METTL9: variants seen among roughly 807,000 people sequenced by gnomAD.
The protein encoded by METTL9 is methyltransferase 9, His-X-His N1(pi)-histidine.
METTL9 carries 10 observed loss-of-function variants against 36.0 expected under a neutral mutation model. That is an observed-to-expected ratio of 0.28 (90% confidence interval 0.17 to 0.47). The LOEUF (loss-of-function observed/expected upper bound fraction) is 0.47, where lower values mean the gene tolerates loss of function less well. Among genes scored for constraint, METTL9 ranks in the 20% least tolerant of loss-of-function variants. METTL9 has a pLI of 0.99. For synonymous variants in METTL9, 175 were observed against 149.7 expected (o/e 1.17, Z -1.23); for missense variants, 246 against 383.5 (o/e 0.64, Z 3.00).
At chr16:21,600,645 G>C (rs1965098901) in intron 1 of METTL9, among the ~76,000 whole-genome samples, 1 of 152,208 alleles carries the variant, frequency 6.6e-6, no homozygotes, top group Non-Finnish European at 1.5e-5. Context: ...TATGCATCGT[G>C]AGCGTTACGC....
chr16:21,619,587 ATTT>A (rs35728063), intron 3 of METTL9, among the ~76,000 whole-genome samples: 1 of 124,214 alleles, frequency 8.1e-6, no homozygotes. Context: ...TGCCCGGCTA[ATTT>A]TTTTTTTTTT....
rs760550780 is a variant in METTL9 at position 21,655,297 on chromosome 16, T to C, written c.822T>C (p.Asn274=). ...IKGQNWEEQV[N]SLPEVFRKAG... Reference sequence around the variant, plus strand: ...GACAGAACTGGGAAGAACAAGTGAATAGTCTGCCTGAAGTTTTCAGAAAAG... The same window carrying C: ...GACAGAACTGGGAAGAACAAGTGAACAGTCTGCCTGAAGTTTTCAGAAAAG... The change falls in exon 5 of 5, where the codon AAT becomes AAC. Residue 274 remains asparagine, a synonymous_variant. Transcript: ENST00000358154. 23 of 1,614,232 alleles carry C rather than the reference T, an allele frequency of 1.4e-5. No individual in the cohort carries two copies. The South Asian group carries it at 2.4e-4, about 17-fold the overall frequency.
At chr16:21,603,469 A>C (rs1482825566) in intron 1 of METTL9, among the ~76,000 whole-genome samples, 1 of 152,190 alleles carries the variant, frequency 6.6e-6, no homozygotes, top group Non-Finnish European at 1.5e-5. Context: ...CACAGGTTGC[A>C]GGGTGGGTAG....
intron 4 of METTL9, among the ~76,000 whole-genome samples, chr16:21,644,668 C>G (rs1344630279): frequency 6.6e-6 from 1 of 152,176 alleles, no homozygotes; most frequent in East Asian, 1.9e-4. Context: ...CTAAGCATCA[C>G]TTTTTAGATA....
chr16:21,639,660 T>C (rs1966195489), intron 4 of METTL9: 1 of 152,206 alleles, frequency 6.6e-6, no homozygotes, highest in Admixed American at 6.5e-5. Flanking sequence ...TTTTCATGCA[T>C]ATACCGTATA....
intron 1 of METTL9, among the ~76,000 whole-genome samples, chr16:21,606,407 C>T (rs1054519970): frequency 5.3e-5 from 8 of 151,940 alleles, no homozygotes; most frequent in East Asian, 1.9e-4. Flanking sequence ...AATTGGGGAA[C>T]GGCCAAGTGG....
intron 4 of METTL9, among the ~76,000 whole-genome samples, chr16:21,629,732 C>T (rs1965901756): frequency 6.6e-6 from 1 of 152,134 alleles, no homozygotes; most frequent in Non-Finnish European, 1.5e-5. Flanking sequence ...TGGATGGGGA[C>T]CCAGCAGGTT....
chr16:21,636,983 G>C (rs543218347), intron 4 of METTL9, among the ~76,000 whole-genome samples: 1 of 152,258 alleles, frequency 6.6e-6, no homozygotes, highest in East Asian at 1.9e-4. Context: ...TGGTCTCGCT[G>C]ACTTCAGGAG....
At chr16:21,621,084 C>T (rs1965680526) in intron 3 of METTL9, among the ~76,000 whole-genome samples, 1 of 152,040 alleles carries the variant, frequency 6.6e-6, no homozygotes. Flanking sequence ...ATCCTCTCAC[C>T]TCAGCCTCCT....
At chr16:21,609,268 A>T (rs536452689) in intron 1 of METTL9, among the ~76,000 whole-genome samples, 12 of 152,244 alleles carry the variant, frequency 7.9e-5, no homozygotes, top group Middle Eastern at 6.8e-3. Context: ...ATTTTGTTAG[A>T]AACTCCAAAT....
chr16:21,625,627 T>C (rs1878906617), intron 4 of METTL9, among the ~76,000 whole-genome samples: 1 of 152,192 alleles, frequency 6.6e-6, no homozygotes, highest in South Asian at 2.1e-4. Context: ...ACATTTGATT[T>C]TTTGATTGCA....
chr16:21,628,344 C>T (rs1351324782), intron 4 of METTL9, among the ~76,000 whole-genome samples: 1 of 152,114 alleles, frequency 6.6e-6, no homozygotes, highest in Non-Finnish European at 1.5e-5. Context: ...CTGCAAATAG[C>T]CATTTTCTTC....
chr16:21,631,755 C>G (rs541171060), intron 4 of METTL9, among the ~76,000 whole-genome samples: 8 of 152,140 alleles, frequency 5.3e-5, no homozygotes, highest in South Asian at 2.1e-4. Flanking sequence ...AGTGCTTTCG[C>G]GCTACGCCCT....
chr16:21,624,817 G>T lies in METTL9; in HGVS notation c.567-114G>T. 3 of 887,126 alleles carry T rather than the reference G, an allele frequency of 3.4e-6. No individual in the cohort carries two copies. In the South Asian group the frequency reaches 4.8e-5, roughly 14 times the overall value. The allele number at this position is 887,126 out of a possible 1,614,324, so 55.0% of individuals were successfully genotyped here. On this transcript the variant is annotated intron_variant, in intron 3 of 4. Coordinates refer to ENST00000358154, the MANE Select transcript of METTL9 (RefSeq NM_016025.5). Reference sequence around the variant, plus strand: ...ATTGCAAACATAAATTATAACAGAAGATTTTGAACTTAATTTAGAAGACAA... The same window carrying T: ...ATTGCAAACATAAATTATAACAGAATATTTTGAACTTAATTTAGAAGACAA...
At chr16:21,625,464 T>C (rs1238699519) in intron 4 of METTL9, among the ~76,000 whole-genome samples, 2 of 152,202 alleles carry the variant, frequency 1.3e-5, no homozygotes, top group Non-Finnish European at 2.9e-5. Context: ...TGCCTTTAAA[T>C]CTGGTCGTAT....
At position 21,612,623 on chromosome 16, in the gene METTL9, CTTTTTTTTTTT is replaced by C; in HGVS notation, c.166-13_166-3del. 8.0e-7 allele frequency: 1 copy of C among 1,249,894 alleles called. No individual in the cohort carries two copies. The highest frequency in any genetic ancestry group is 1.0e-6 in the Non-Finnish European group (1 of 987,108). 77.4% of individuals were successfully genotyped at this position (1,249,894 alleles called of 1,614,324 possible). On this transcript the variant is annotated splice_polypyrimidine_tract_variant and intron_variant, in intron 1 of 4. Coordinates refer to ENST00000358154, the MANE Select transcript of METTL9 (RefSeq NM_016025.5). ...TCGGTTGTGTGTTTTAATTTTTGTT[CTTTTTTTTTTT>C]TTTTTTTTAGTGGTATGTGTGCAAC...
At chr16:21,649,271 G>A (rs921400321) in intron 4 of METTL9, among the ~76,000 whole-genome samples, 1 of 152,154 alleles carries the variant, frequency 6.6e-6, no homozygotes, top group Non-Finnish European at 1.5e-5. Flanking sequence ...GGGATTACAG[G>A]TGTGAGCCAC....
intron 4 of METTL9, among the ~76,000 whole-genome samples, chr16:21,641,804 A>G (rs1179945968): frequency 1.3e-5 from 2 of 151,920 alleles, no homozygotes; most frequent in Non-Finnish European, 2.9e-5. Flanking sequence ...TTTGGATGCT[A>G]CTGTCAAAAT....
At chr16:21,652,587 C>T (rs1170691442) in intron 4 of METTL9, 7 of 1,609,960 alleles carry the variant, frequency 4.3e-6, no homozygotes, top group Middle Eastern at 1.6e-4. Context: ...TGCTTCTGCT[C>T]GCAGTCCCCA....
Sources: gnomAD v4.1 joint callset for allele counts (sites outside exome capture counted in the v4.1 genomes callset) on GRCh38, gnomAD v4.1.1 for gene constraint, MANE v1.5 for transcripts, NCBI Gene and HGNC (gene_info 2026-07-23, HGNC 2026-07-21) for gene names.